ENPP3: variants seen among roughly 807,000 people sequenced by gnomAD.
ENPP3 encodes ectonucleotide pyrophosphatase/phosphodiesterase 3.
A neutral mutation model predicts 117.8 loss-of-function variants in ENPP3; 104 were observed. That is an observed-to-expected ratio of 0.88 (90% CI 0.75 to 1.04). The LOEUF is 1.04. Ranked by LOEUF, ENPP3 falls within the 50% of genes least tolerant of loss-of-function variation. ENPP3 has a pLI of 0.00. For missense variants in ENPP3, 1,026 were observed against 1,051.9 expected (o/e 0.98, Z 0.34); for synonymous variants, 380 against 349.9 (o/e 1.09, Z -0.96).
chr6:131,719,042 T>A (rs908378900), intron 16 of ENPP3, among the ~76,000 whole-genome samples: 2 of 152,068 alleles, frequency 1.3e-5, no homozygotes, highest in Non-Finnish European at 2.9e-5. Context: ...AAATAATACA[T>A]TATTTGTTAT....
chr6:131,695,969 C>T (rs191630166), intron 15 of ENPP3, among the ~76,000 whole-genome samples: 2 of 152,202 alleles, frequency 1.3e-5, no homozygotes, highest in Admixed American at 1.3e-4. Context: ...CTCTCCAACT[C>T]TTAAAACACA....
intron 7 of ENPP3, among the ~76,000 whole-genome samples, chr6:131,671,657 A>T (rs1173634832): frequency 6.6e-6 from 1 of 152,206 alleles, no homozygotes; most frequent in Admixed American, 6.5e-5. Context: ...ACAGTAGGCT[A>T]TATATAGGGA....
At chr6:131,659,664 C>G (rs1400412057) in intron 6 of ENPP3, among the ~76,000 whole-genome samples, 1 of 152,146 alleles carries the variant, frequency 6.6e-6, no homozygotes, top group Non-Finnish European at 1.5e-5. Flanking sequence ...CTTCCTGCAA[C>G]TCAAGGTGCA....
chr6:131,687,977 T>C (rs62423410), intron 14 of ENPP3, among the ~76,000 whole-genome samples: 11,479 of 152,238 alleles, frequency 0.075, 914 homozygotes, highest in African/African-American at 0.2. Flanking sequence ...TTTTTACCAA[T>C]TGAAGGTTTT....
At chr6:131,679,975 C>T (rs1778988117) in intron 11 of ENPP3, among the ~76,000 whole-genome samples, 1 of 152,102 alleles carries the variant, frequency 6.6e-6, no homozygotes, top group Non-Finnish European at 1.5e-5. Context: ...AGTCAGGCAC[C>T]AATCCTGCAG....
chr6:131,686,149 T>C (rs766049481), intron 14 of ENPP3, among the ~76,000 whole-genome samples: 13 of 152,340 alleles, frequency 8.5e-5, no homozygotes, highest in Middle Eastern at 3.4e-3. Flanking sequence ...CTGGCTTATA[T>C]TGAAAGGGCT....
chr6:131,684,546 G>T (rs991127512), intron 12 of ENPP3, among the ~76,000 whole-genome samples: 6 of 152,034 alleles, frequency 3.9e-5, no homozygotes, highest in African/African-American at 1.4e-4. Flanking sequence ...AGGTGTGGTG[G>T]CACATGCCTG....
At chr6:131,643,608 T>C (rs1443846181) in intron 2 of ENPP3, among the ~76,000 whole-genome samples, 1 of 152,158 alleles carries the variant, frequency 6.6e-6, no homozygotes. Flanking sequence ...CCCTGGGTCA[T>C]TTTCACCATT....
At chr6:131,663,404 C>T (rs1176678140) in intron 6 of ENPP3, among the ~76,000 whole-genome samples, 2 of 151,338 alleles carry the variant, frequency 1.3e-5, no homozygotes, top group African/African-American at 2.4e-5. Context: ...TTCCCATCAC[C>T]AGCTGGGCAT....
intron 2 of ENPP3, among the ~76,000 whole-genome samples, chr6:131,648,542 A>G (rs1428485221): frequency 1.3e-5 from 2 of 152,128 alleles, no homozygotes; most frequent in Admixed American, 6.6e-5. Flanking sequence ...TGCATTATTT[A>G]TCACTTCATC....
chr6:131,695,206 A>T (rs1338703909), intron 15 of ENPP3, among the ~76,000 whole-genome samples: 1 of 152,216 alleles, frequency 6.6e-6, no homozygotes, highest in Non-Finnish European at 1.5e-5. Flanking sequence ...TGTAATATAT[A>T]AATAAATATA....
Position 131,671,335 on chromosome 6 carries a change from C to T in ENPP3, c.642+8C>T, listed in dbSNP as rs966705784. The T allele has an allele frequency of 5.2e-5, 81 of 1,558,788 alleles. No homozygotes were observed. The highest frequency in any genetic ancestry group is 7.2e-5 in the Non-Finnish European group (81 of 1,130,300). ...CATTACACCATTGTCACGGTAAGTGCTTGACCCAGTGGTAAGACAGGCCAA... is the reference window on the plus strand; with the variant it reads ...CATTACACCATTGTCACGGTAAGTGTTTGACCCAGTGGTAAGACAGGCCAA... On this transcript the variant is annotated splice_region_variant and intron_variant, in intron 7 of 24. Transcript: ENST00000357639.
chr6:131,673,883 G>C (rs9493047), intron 7 of ENPP3, among the ~76,000 whole-genome samples: 7,795 of 152,060 alleles, frequency 0.051, 384 homozygotes, highest in African/African-American at 0.13. Flanking sequence ...AAATATATAG[G>C]AGGGTATGCA....
At chr6:131,664,381 C>T (rs183045902) in intron 6 of ENPP3, among the ~76,000 whole-genome samples, 2 of 151,906 alleles carry the variant, frequency 1.3e-5, no homozygotes, top group Non-Finnish European at 2.9e-5. Flanking sequence ...TACAACTGTG[C>T]AATGTGTTTG....
chr6:131,731,658 C>G (rs7745372), intron 20 of ENPP3, among the ~76,000 whole-genome samples: 2 of 151,900 alleles, frequency 1.3e-5, no homozygotes, highest in Non-Finnish European at 2.9e-5. Flanking sequence ...CAGCCTTATG[C>G]GAACTCCTGT....
Position 131,652,593 on chromosome 6 carries a change from C to T in ENPP3, c.329C>T (p.Ala110Val). ...CGTTGTGGAGAGACCAGATTAGAGG[C>T]CAGCCTTTGCTCTTGTTCAGATGAC... ...KFRCGETRLE[A>V]SLCSCSDDCL... The change falls in exon 4 of 25, where the codon GCC becomes GTC. Residue 110 changes from alanine to valine, a missense_variant. Transcript: ENST00000357639. 1 of 1,613,880 alleles carries T rather than the reference C, an allele frequency of 6.2e-7. No individual in the cohort carries two copies. Among genetic ancestry groups the T allele is most frequent in the Non-Finnish European group, 8.5e-7 (1 of 1,179,814 alleles).
Position 131,693,735 on chromosome 6 carries a change from G to C in ENPP3, c.1412+111G>C, listed in dbSNP as rs549555412. The C allele has an allele frequency of 1.2e-4, 131 of 1,113,662 alleles. No homozygotes were observed. The South Asian group carries it at 1.7e-3, about 14-fold the overall frequency. 69.0% of individuals were successfully genotyped at this position (1,113,662 alleles called of 1,614,324 possible). A position where few individuals can be genotyped will look rare whatever the true frequency, so the allele number is the denominator to read the frequency against. On this transcript the variant is annotated intron_variant, in intron 15 of 24. Transcript: ENST00000357639. The stretch of plus-strand genomic sequence containing the variant: ...ATCACTGTGAATTTTCCTGAGCATT[G>C]ACATTTTCTGGCCTTTTTGTATGCT...
At chr6:131,722,504 C>A in intron 18 of ENPP3, 99 bp downstream of exon 18, 1 of 911,798 alleles carries the variant, frequency 1.1e-6, no homozygotes, top group Non-Finnish European at 1.7e-6. Flanking sequence ...GGTTTGTGTT[C>A]CGCCTTGGAT....
At position 131,718,689 on chromosome 6, in the gene ENPP3, AT is replaced by A; in HGVS notation, c.1432del (p.Cys478ValfsTer43). ...WLAVRSKSNTNCGGGNHGYNN... is the reference protein window; with the variant it reads ...WLAVRSKSNTXCGGGNHGYNN... ...CTTTATAGGAGTAAATCAAATACAAATTGTGGAGGAGGCAACCATGGTTATA... is the reference window on the plus strand; with the variant it reads ...CTTTATAGGAGTAAATCAAATACAAATGTGGAGGAGGCAACCATGGTTATA... On this transcript the variant is annotated frameshift_variant, in exon 16 of 25. Coordinates refer to ENST00000357639, the MANE Select transcript of ENPP3 (RefSeq NM_005021.5). LOFTEE classifies it high-confidence loss of function. The A allele has an allele frequency of 6.3e-7, 1 of 1,599,600 alleles. No individual in the cohort carries two copies. Among genetic ancestry groups the A allele is most frequent in the Non-Finnish European group, 8.6e-7 (1 of 1,168,462 alleles).
Sources: allele counts gnomAD v4.1 joint callset (sites outside exome capture counted in the v4.1 genomes callset), GRCh38; gene constraint gnomAD v4.1.1; transcripts MANE v1.5; gene names NCBI Gene and HGNC (gene_info 2026-07-23, HGNC 2026-07-21).